The following SDK1 variants were observed in gnomAD, a reference collection of about 807,000 sequenced individuals.
SDK1 encodes protein sidekick-1.
SDK1 carries 157 observed loss-of-function variants against 245.5 expected under a neutral mutation model. The ratio of observed to expected loss-of-function variants is 0.64; its 90% CI spans 0.56 to 0.73. The LOEUF is 0.73. SDK1 is among the 30% of genes least tolerant of loss of function. The pLI, the probability that SDK1 is intolerant of heterozygous loss-of-function variation, is 0.00. For synonymous variants in SDK1, 1,647 were observed against 1,278.5 expected, an observed-to-expected ratio of 1.29 and a Z score of -6.15; for missense variants, 3,583 against 3,002.3, an observed-to-expected ratio of 1.19 and a Z score of -4.52.
intron 4 of SDK1, among the ~76,000 whole-genome samples, chr7:3,769,841 T>C (rs571369731): frequency 2.2e-4 from 34 of 152,052 alleles, no homozygotes; most frequent in African/African-American, 7.5e-4. Flanking sequence ...CTGGGGTCCC[T>C]AGCCAGTTTT....
At chr7:3,576,339 G>T (rs1780290262) in intron 1 of SDK1, among the ~76,000 whole-genome samples, 1 of 152,116 alleles carries the variant, frequency 6.6e-6, no homozygotes, top group East Asian at 1.9e-4. Flanking sequence ...GTGTACTTCT[G>T]TGTGACTCTG....
chr7:4,245,899 T>G, intron 44 of SDK1, 94 bp downstream of exon 44: 2 of 1,444,486 alleles, frequency 1.4e-6, no homozygotes, highest in East Asian at 2.3e-5. Context: ...CCTATTTGAG[T>G]CTCATAACAT....
Position 3,435,295 on chromosome 7 carries a change from G to A in SDK1, c.298+133411G>A, listed in dbSNP as rs377417874. Among the ~76,000 whole-genome samples, 10 of 123,400 alleles carry A rather than the reference G, an allele frequency of 8.1e-5. No individual in the cohort carries two copies. In the South Asian group the frequency reaches 1.5e-3, roughly 18 times the overall value. 81.0% of individuals were successfully genotyped at this position (123,400 alleles called of 152,430 possible). A position where few individuals can be genotyped will look rare whatever the true frequency, so the allele number is the denominator to read the frequency against. On this transcript the variant is annotated intron_variant, in intron 1 of 44. Coordinates refer to ENST00000404826, the MANE Select transcript of SDK1 (RefSeq NM_152744.4). ...TGTGATCACCAAATCCACCTATTTT[G>A]ATACTTGACTTATGAAGGGGACTGC...
intron 9 of SDK1, 41 bp from the exon 10 acceptor site, chr7:3,967,277 A>G: frequency 3.3e-6 from 5 of 1,504,936 alleles, no homozygotes; most frequent in Non-Finnish European, 3.7e-6. Flanking sequence ...TGAGCCTCTC[A>G]GGAACAAGGC....
At chr7:4,125,087 G>GGATGATGGATGGATGAGTGA (rs1784297425) in intron 25 of SDK1, among the ~76,000 whole-genome samples, 1 of 149,922 alleles carries the variant, frequency 6.7e-6, no homozygotes, top group Admixed American at 6.7e-5. Context: ...ATGGATGGAT[G>GGATGATGGATGGATGAGTGA]ATGGATGGAT....
At chr7:3,738,445 G>A (rs1779382342) in intron 4 of SDK1, among the ~76,000 whole-genome samples, 1 of 152,160 alleles carries the variant, frequency 6.6e-6, no homozygotes, top group African/African-American at 2.4e-5. Flanking sequence ...TTTGATTACT[G>A]TAGCTCTATA....
intron 22 of SDK1, among the ~76,000 whole-genome samples, chr7:4,088,761 C>T (rs767327768): frequency 6.6e-6 from 1 of 152,190 alleles, no homozygotes; most frequent in Non-Finnish European, 1.5e-5. Flanking sequence ...TATCCATGTT[C>T]ATAAGTGAAC....
chr7:3,600,874 T>A (rs1305657397), intron 1 of SDK1, among the ~76,000 whole-genome samples: 1 of 152,188 alleles, frequency 6.6e-6, no homozygotes, highest in Non-Finnish European at 1.5e-5. Flanking sequence ...AATTGATTTT[T>A]AAATAAGATT....
intron 28 of SDK1, among the ~76,000 whole-genome samples, chr7:4,141,024 G>C (rs1779550400): frequency 6.6e-6 from 1 of 152,206 alleles, no homozygotes; most frequent in Admixed American, 6.5e-5. Context: ...GGCTGGGTCA[G>C]GAGCCAGGTC....
At chr7:4,066,813 G>A (rs1360341640) in intron 19 of SDK1, among the ~76,000 whole-genome samples, 5 of 152,192 alleles carry the variant, frequency 3.3e-5, no homozygotes, top group South Asian at 2.1e-4. Context: ...TCCCTGAGTC[G>A]CAGGCAGGTG....
intron 5 of SDK1, among the ~76,000 whole-genome samples, chr7:3,884,565 T>G (rs1309535726): frequency 6.6e-6 from 1 of 152,170 alleles, no homozygotes; most frequent in Non-Finnish European, 1.5e-5. Context: ...TTAACTTTAT[T>G]ATTATTTACC....
At chr7:3,878,731 C>G (rs1781134152) in intron 5 of SDK1, among the ~76,000 whole-genome samples, 1 of 152,102 alleles carries the variant, frequency 6.6e-6, no homozygotes, top group Non-Finnish European at 1.5e-5. Context: ...TCTGTTATCT[C>G]TTTTCTTCTC....
chr7:3,769,907 A>T (rs1252069594), intron 4 of SDK1, among the ~76,000 whole-genome samples: 1 of 148,724 alleles, frequency 6.7e-6, no homozygotes, highest in Non-Finnish European at 1.5e-5. Flanking sequence ...AAACACTCAG[A>T]TTTTCTCAGT....
At chr7:3,366,441 G>A (rs1278460253) in intron 1 of SDK1, among the ~76,000 whole-genome samples, 1 of 151,682 alleles carries the variant, frequency 6.6e-6, no homozygotes, top group Non-Finnish European at 1.5e-5. Context: ...GTTACATTAA[G>A]TACTGGGTAA....
At chr7:3,639,138 A>C in intron 3 of SDK1, 28 bp downstream of exon 3, 1 of 1,324,656 alleles carries the variant, frequency 7.5e-7, no homozygotes, top group Non-Finnish European at 1.1e-6. Context: ...AGATGTCCAA[A>C]TGTTAAAGAA....
intron 1 of SDK1, among the ~76,000 whole-genome samples, chr7:3,615,678 C>A (rs553885811): frequency 2.0e-5 from 3 of 151,426 alleles, no homozygotes; most frequent in African/African-American, 7.2e-5. Context: ...TTCTTGACAT[C>A]TCCCTCTCCC....
chr7:4,229,651 C>T (rs766807652), intron 40 of SDK1, among the ~76,000 whole-genome samples: 6 of 152,034 alleles, frequency 3.9e-5, no homozygotes, highest in Admixed American at 2.0e-4. Flanking sequence ...GAATCCACTC[C>T]GGAGGTGTTC....
intron 28 of SDK1, among the ~76,000 whole-genome samples, chr7:4,137,037 T>C (rs946916348): frequency 5.3e-5 from 8 of 152,238 alleles, no homozygotes; most frequent in South Asian, 2.1e-4. Flanking sequence ...CAGATGGTCG[T>C]GCTTTGGAGT....
At chr7:3,382,672 C>T (rs1002472155) in intron 1 of SDK1, among the ~76,000 whole-genome samples, 6 of 151,990 alleles carry the variant, frequency 3.9e-5, no homozygotes, top group South Asian at 2.1e-4. Context: ...GTTTGATTAG[C>T]GATGTTGCTT....
Sources: gnomAD v4.1 joint callset for allele counts (sites outside exome capture counted in the v4.1 genomes callset) on GRCh38, gnomAD v4.1.1 for gene constraint, MANE v1.5 for transcripts, NCBI Gene and HGNC (gene_info 2026-07-23, HGNC 2026-07-21) for gene names.